XPO1: variants seen among roughly 807,000 people sequenced by gnomAD.
XPO1 encodes exportin-1.
Under a neutral mutation model 133.3 loss-of-function variants are expected in XPO1, and 5 were observed. The ratio of observed to expected loss-of-function variants is 0.04; its 90% CI spans 0.02 to 0.08. The LOEUF (loss-of-function observed/expected upper bound fraction) is 0.08. Ranked by LOEUF, XPO1 falls within the 10% of genes least tolerant of loss-of-function variation. XPO1 has a pLI of 1.00. For synonymous variants in XPO1, 419 were observed against 408.2 expected, an observed-to-expected ratio of 1.03 and a Z score of -0.32; for missense variants, 506 against 1,267.5, an observed-to-expected ratio of 0.40 and a Z score of 9.12.
At chr2:61,497,506 C>T (rs889612270) in intron 9 of XPO1, among the ~76,000 whole-genome samples, 6 of 152,162 alleles carry the variant, frequency 3.9e-5, no homozygotes, top group African/African-American at 1.2e-4. Flanking sequence ...CCACAGCGCC[C>T]GGCCTAAACT....
chr2:61,532,574 A>T (rs573635545), intron 2 of XPO1, among the ~76,000 whole-genome samples: 1 of 152,072 alleles, frequency 6.6e-6, no homozygotes, highest in Non-Finnish European at 1.5e-5. Flanking sequence ...GCGGTGGCTC[A>T]TGCCTGTCAT....
rs1307748225 is a variant in XPO1, at chr2:61,492,314, A to G, written c.1723+11T>C. 3 of 1,583,774 alleles carry G rather than the reference A, an allele frequency of 1.9e-6. No homozygotes were observed. The highest frequency in any genetic ancestry group is 2.7e-5 in the African/African-American group (2 of 72,844). ...AAATAAAAGCAAAATATAGTAAAGA[A>G]AGAGATTTACCATGCATGAATTCGA... On this transcript the variant is annotated intron_variant, in intron 15 of 24. Coordinates refer to ENST00000401558, the MANE Select transcript of XPO1 (RefSeq NM_003400.4). The surrounding 1 kb of genome is among the most constrained non-coding windows in gnomAD (Gnocchi z 5.6).
chr2:61,482,896 T>A, intron 22 of XPO1, 61 bp downstream of exon 22: 1 of 1,600,916 alleles, frequency 6.2e-7, no homozygotes, highest in Non-Finnish European at 8.5e-7. Flanking sequence ...GTGCTGGGAT[T>A]ATAGGCGTGA....
intron 4 of XPO1, among the ~76,000 whole-genome samples, chr2:61,508,860 G>C (rs1697950217): frequency 4.6e-5 from 7 of 152,156 alleles, no homozygotes; most frequent in Admixed American, 3.3e-4. Context: ...GACTTATTAA[G>C]AGAAAGATGC....
At chr2:61,483,146 T>C (rs771829353) in intron 21 of XPO1, 55 bp from the exon 22 acceptor site, 48 of 1,565,400 alleles carry the variant, frequency 3.1e-5, no homozygotes, top group African/African-American at 5.5e-5. Context: ...GCACTCATGA[T>C]AGTATTTAGC....
At chr2:61,526,707 T>C (rs1205225300) in intron 2 of XPO1, among the ~76,000 whole-genome samples, 186 bp from the exon 3 acceptor site, 1 of 27,584 alleles carries the variant, frequency 3.6e-5, no homozygotes, top group Non-Finnish European at 9.6e-5. Context: ...TGACTCCCAA[T>C]TTTTTTTTTT....
Position 61,538,039 on chromosome 2 carries a change from TGGC to T in XPO1, c.-487_-485del, listed in dbSNP as rs1359871703. On this transcript the variant is annotated 5_prime_UTR_variant, in exon 1 of 25. Transcript: ENST00000401558. ...TCCCTCTCTCACGCGGCTCCGGCGC[TGGC>T]CCCCCCCCCCCCAAGGCTCGCCTAA... The T allele has an allele frequency of 2.3e-5, 1 of 42,634 alleles. No individual in the cohort carries two copies. The highest frequency in any genetic ancestry group is 5.5e-5 in the Non-Finnish European group (1 of 18,306). The allele number at this position is 42,634 out of a possible 1,614,324, so 2.6% of individuals were successfully genotyped here.
intron 24 of XPO1, among the ~76,000 whole-genome samples, chr2:61,479,324 C>T (rs1239976105): frequency 6.6e-6 from 1 of 152,036 alleles, no homozygotes; most frequent in East Asian, 1.9e-4. Flanking sequence ...GTGGCACAGG[C>T]GCCTGTAATC....
chr2:61,493,371 T>C, intron 12 of XPO1: 1 of 208,978 alleles, frequency 4.8e-6, no homozygotes, highest in South Asian at 1.1e-4. Flanking sequence ...TTGCTAGGCA[T>C]GGTGGTGTGT....
At chr2:61,490,967 C>G (rs542481380) in intron 16 of XPO1, among the ~76,000 whole-genome samples, 191 bp from the exon 17 acceptor site, 1 of 152,130 alleles carries the variant, frequency 6.6e-6, no homozygotes, top group Admixed American at 6.6e-5. Flanking sequence ...CCAGCCTGAC[C>G]AACGTGGTGA....
intron 2 of XPO1, among the ~76,000 whole-genome samples, chr2:61,528,729 TTATTTATATATATA>T (rs1375830210): frequency 6.1e-5 from 6 of 98,900 alleles, no homozygotes; most frequent in African/African-American, 2.2e-4. Context: ...TGTCGACATT[TTATTTATATATATA>T]TATATATATA....
chr2:61,485,960 G>C lies in XPO1; in HGVS notation c.2316C>G (p.Val772=). The C allele has an allele frequency of 6.2e-7, 1 of 1,606,178 alleles. No homozygotes were observed. Among genetic ancestry groups the C allele is most frequent in the Middle Eastern group, 1.7e-4 (1 of 6,040 alleles). ...ACAGAGGGGGAACAAAATTTTCAGC[G>C]ACCTGTTGGGGAGGGAAAAAAAAGT... ...WVSRSNDPQM[V]AENFVPPLLD... is the part of the protein sequence containing the mutation. The change falls in exon 20 of 25, where the codon GTC becomes GTG. Residue 772 remains valine, a splice_region_variant and synonymous_variant. Coordinates refer to ENST00000401558, the MANE Select transcript of XPO1 (RefSeq NM_003400.4).
chr2:61,521,239 G>C (rs999615265), intron 4 of XPO1, among the ~76,000 whole-genome samples: 1 of 152,098 alleles, frequency 6.6e-6, no homozygotes, highest in East Asian at 1.9e-4. Context: ...AACTCTAAAT[G>C]TGCTCAAACT....
intron 1 of XPO1, chr2:61,534,608 A>C (rs2104849790): frequency 6.6e-6 from 1 of 152,334 alleles, no homozygotes; most frequent in East Asian, 1.9e-4. Context: ...GCTTGAACCC[A>C]GGAGACGGAG....
chr2:61,498,232 C>A (rs1016375451), intron 9 of XPO1, among the ~76,000 whole-genome samples: 2 of 152,134 alleles, frequency 1.3e-5, no homozygotes, highest in Non-Finnish European at 2.9e-5. Flanking sequence ...GTAGCTGGGA[C>A]TACAGGCATA....
rs1363431549 is a variant in XPO1 at position 61,482,485 on chromosome 2, C to G, written c.2867G>C (p.Gly956Ala). ...AGGATTTAATGATGTACTTATTTTT[C>G]CTTCTTCAACCAAATTAAACATATA... Reference protein sequence around the residue: ...LAYMFNLVEEGKISTSLNPGN... With the variant: ...LAYMFNLVEEAKISTSLNPGN... Residue 956 changes from glycine to alanine, a missense_variant, in exon 23 of 25, where the codon GGA (glycine) becomes GCA (alanine). Around this residue, in one of 6 missense-constraint regions of XPO1, gnomAD observed 203 missense variants for 365.9 expected, o/e 0.55. Coordinates refer to ENST00000401558, the MANE Select transcript of XPO1 (RefSeq NM_003400.4). 1 of 1,612,742 alleles carries G rather than the reference C, an allele frequency of 6.2e-7. No individual in the cohort carries two copies. The highest frequency in any genetic ancestry group is 1.3e-5 in the African/African-American group (1 of 74,856).
intron 4 of XPO1, among the ~76,000 whole-genome samples, chr2:61,509,586 G>A (rs368187477): frequency 1.3e-5 from 2 of 151,726 alleles, no homozygotes; most frequent in Non-Finnish European, 2.9e-5. Flanking sequence ...AGATCATGCC[G>A]TCGCACTCCA....
At chr2:61,488,930 T>C (rs1696825130) in intron 17 of XPO1, among the ~76,000 whole-genome samples, 159 bp from the exon 18 acceptor site, 1 of 151,804 alleles carries the variant, frequency 6.6e-6, no homozygotes, top group African/African-American at 2.4e-5. Flanking sequence ...TGAAACCCCG[T>C]CTCTACTAAA....
At chr2:61,489,894 AT>A (rs1179171883) in intron 17 of XPO1, among the ~76,000 whole-genome samples, 4,415 of 132,812 alleles carry the variant, frequency 0.033, 53 homozygotes, top group African/African-American at 0.043. Flanking sequence ...AAATTACAGT[AT>A]TTTTTTTTTT....
Sources: gnomAD v4.1 joint callset for allele counts (sites outside exome capture counted in the v4.1 genomes callset) on GRCh38, gnomAD v4.1.1 for gene constraint, gnomAD v4.1.1 regional missense constraint, Gnocchi (gnomAD v3.1) non-coding constraint, MANE v1.5 for transcripts, NCBI Gene and HGNC (gene_info 2026-07-23, HGNC 2026-07-21) for gene names.